The following THUMPD3 variants were observed in gnomAD, a reference collection of about 807,000 sequenced individuals.
The protein encoded by THUMPD3 is tRNA (guanine(6)-N(2))-methyltransferase THUMP3.
A neutral mutation model predicts 54.5 loss-of-function variants in THUMPD3; 44 were observed. The ratio of observed to expected loss-of-function variants is 0.81; its 90% CI spans 0.63 to 1.04. The LOEUF (loss-of-function observed/expected upper bound fraction) is 1.04, where lower values mean the gene tolerates loss of function less well. THUMPD3 is among the 50% of genes least tolerant of loss of function. The pLI is 0.00. For missense variants in THUMPD3, 604 were observed against 601.3 expected (o/e 1.00, Z -0.05); for synonymous variants, 196 against 201.4 (o/e 0.97, Z 0.23).
intron 3 of THUMPD3, 27 bp from the exon 4 acceptor site, chr3:9,371,033 A>G: frequency 1.3e-6 from 2 of 1,494,760 alleles, no homozygotes; most frequent in East Asian, 2.3e-5. Flanking sequence ...TGAGAAATGA[A>G]TGAATTTCTT....
chr3:9,365,817 C>T (rs2031515486), intron 2 of THUMPD3, among the ~76,000 whole-genome samples: 1 of 152,060 alleles, frequency 6.6e-6, no homozygotes, highest in African/African-American at 2.4e-5. Context: ...GTCTCGAACT[C>T]CTAACCCCGT....
In THUMPD3 at chr3:9,372,580, C is replaced by CA. The variant is rs35718688; in HGVS notation, c.807+1057dup. On this transcript the variant is annotated intron_variant, in intron 4 of 9. Transcript: ENST00000452837. ...GGGTGACAGAGCAAGACTCCATCTC[C>CA]AAAAAAAAAAAAAGTGCATTTTTTA... Among the ~76,000 whole-genome samples, 983 of 136,904 alleles carry CA rather than the reference C, an allele frequency of 7.2e-3. 12 individuals are homozygous for CA. The highest frequency in any genetic ancestry group is 0.019 in the African/African-American group (719 of 37,386). 89.8% of individuals were successfully genotyped at this position (136,904 alleles called of 152,430 possible). A position where few individuals can be genotyped will look rare whatever the true frequency, so the allele number is the denominator to read the frequency against.
intron 1 of THUMPD3, chr3:9,363,446 C>T (rs1370910670): frequency 1.3e-5 from 2 of 152,266 alleles, no homozygotes; most frequent in Non-Finnish European, 2.9e-5. Context: ...TTCACAGTGA[C>T]TGTCAGCTTT....
At chr3:9,368,752 A>G (rs2031777002) in intron 3 of THUMPD3, among the ~76,000 whole-genome samples, 2 of 152,222 alleles carry the variant, frequency 1.3e-5, no homozygotes, top group Admixed American at 6.5e-5. Flanking sequence ...AAACTTGTAA[A>G]GACTGAATGG....
At position 9,365,026 on chromosome 3, in the gene THUMPD3, C is replaced by A. The variant is rs2031408149; in HGVS notation, c.-43C>A. On this transcript the variant is annotated 5_prime_UTR_variant, in exon 2 of 10. Transcript: ENST00000452837. Reference sequence around the variant, plus strand: ...CTTTTTCTTTTAAAGGACAGTACTGCTTTTAAAGAGACAGTGTTAGGGATC... The same window carrying A: ...CTTTTTCTTTTAAAGGACAGTACTGATTTTAAAGAGACAGTGTTAGGGATC... The A allele has an allele frequency of 6.3e-7, 1 of 1,594,958 alleles. No homozygotes were observed. The highest frequency in any genetic ancestry group is 8.5e-7 in the Non-Finnish European group (1 of 1,170,210).
intron 5 of THUMPD3, among the ~76,000 whole-genome samples, chr3:9,375,264 C>T (rs1431074830): frequency 6.6e-6 from 1 of 152,136 alleles, no homozygotes; most frequent in East Asian, 1.9e-4. Flanking sequence ...GTAAATTTTG[C>T]TGTTTCATTT....
chr3:9,379,814 T>A (rs2032739782), intron 6 of THUMPD3, among the ~76,000 whole-genome samples: 1 of 152,058 alleles, frequency 6.6e-6, no homozygotes, highest in Non-Finnish European at 1.5e-5. Context: ...CACCTCAGCC[T>A]CTCGAGTAGC....
chr3:9,370,583 T>C (rs944888468), intron 3 of THUMPD3, among the ~76,000 whole-genome samples: 1 of 152,244 alleles, frequency 6.6e-6, no homozygotes, highest in Non-Finnish European at 1.5e-5. Context: ...TAGCTGGGAC[T>C]ACAGGCACGT....
Position 9,371,475 on chromosome 3 carries a change from T to C in THUMPD3, c.746T>C (p.Phe249Ser). The C allele has an allele frequency of 1.2e-6, 2 of 1,614,094 alleles. No homozygotes were observed. Among genetic ancestry groups the C allele is most frequent in the Non-Finnish European group, 1.7e-6 (2 of 1,180,024 alleles). ...CFTSNEAARD[F>S]GGAVQDYFKW... ...ACCTCAAATGAGGCTGCAAGAGATT[T>C]TGGGGGTGCTGTTCAAGATTATTTT... is the stretch of plus-strand genomic sequence containing the variant. The change falls in exon 4 of 10, where the codon TTT becomes TCT. Residue 249 changes from phenylalanine (F) to serine (S), a missense_variant. Physicochemically the swap from Phe to Ser is radical, Grantham distance 155. Transcript: ENST00000452837.
In THUMPD3 at chr3:9,384,798, TA is replaced by T; in HGVS notation, c.*112del. The T allele has an allele frequency of 7.9e-7, 1 of 1,267,150 alleles. No individual in the cohort carries two copies. Among genetic ancestry groups the T allele is most frequent in the Non-Finnish European group, 1.1e-6 (1 of 911,572 alleles). 78.5% of individuals were successfully genotyped at this position (1,267,150 alleles called of 1,614,324 possible). A position where few individuals can be genotyped will look rare whatever the true frequency, so the allele number is the denominator to read the frequency against. ...GCAGTCTGCACTCTTTAAACCTGTT[TA>T]AGGCTCTTCATCCTGGTTAGCAAAA... On this transcript the variant is annotated 3_prime_UTR_variant, in exon 10 of 10. Transcript: ENST00000452837.
At chr3:9,374,388 C>T in intron 4 of THUMPD3, 128 bp from the exon 5 acceptor site, 1 of 1,109,858 alleles carries the variant, frequency 9.0e-7, no homozygotes. Context: ...AATATGGTGA[C>T]CTCCCAGGAG....
intron 7 of THUMPD3, among the ~76,000 whole-genome samples, chr3:9,382,449 C>T (rs1018687590): frequency 6.6e-6 from 1 of 152,034 alleles, no homozygotes; most frequent in African/African-American, 2.4e-5. Context: ...TATAGCATGG[C>T]ACATATTTTC....
At chr3:9,367,580 C>T (rs938790670) in intron 3 of THUMPD3, among the ~76,000 whole-genome samples, 13 of 152,144 alleles carry the variant, frequency 8.5e-5, no homozygotes, top group South Asian at 4.1e-4. Flanking sequence ...TAGAGTTAAC[C>T]GCTTAAAAAC....
chr3:9,368,200 C>G (rs141788568), intron 3 of THUMPD3, among the ~76,000 whole-genome samples: 4 of 151,736 alleles, frequency 2.6e-5, no homozygotes, highest in African/African-American at 7.3e-5. Flanking sequence ...TCCCCACCCC[C>G]CTCTTTTAAA....
chr3:9,380,570 C>T lies in THUMPD3; in HGVS notation c.1076C>T (p.Ala359Val). Reference protein sequence around the residue: ...GDNNPLAVNRAANNIASLLTK... With the variant: ...GDNNPLAVNRVANNIASLLTK... The stretch of plus-strand genomic sequence containing the variant: ...AATAATCCACTGGCTGTGAATAGAG[C>T]AGCAAATAACATTGCATCTTTATTG... Residue 359 changes from alanine to valine, a missense_variant, in exon 7 of 10, where the codon GCA becomes GTA. Coordinates refer to ENST00000452837, the MANE Select transcript of THUMPD3 (RefSeq NM_001114092.2). 6.2e-7 allele frequency: 1 copy of T among 1,613,620 alleles called. No homozygotes were observed. Among genetic ancestry groups the T allele is most frequent in the Non-Finnish European group, 8.5e-7 (1 of 1,179,764 alleles).
chr3:9,366,477 C>G lies in THUMPD3; in HGVS notation c.253-431C>G, dbSNP rs1338746411. Among the ~76,000 whole-genome samples the G allele has an allele frequency of 2.0e-5, 3 of 152,180 alleles. No individual in the cohort carries two copies. In the East Asian group the frequency reaches 5.8e-4, roughly 29 times the overall value. On this transcript the variant is annotated intron_variant, in intron 2 of 9. Transcript: ENST00000452837. Reference sequence around the variant, plus strand: ...TGTGAAGATAGGCACTATTATTATCCTCATTAATCATTAGGCTTAGGACAC... The same window carrying G: ...TGTGAAGATAGGCACTATTATTATCGTCATTAATCATTAGGCTTAGGACAC...
At chr3:9,378,105 T>C (rs571833091) in intron 6 of THUMPD3, among the ~76,000 whole-genome samples, 1 of 152,344 alleles carries the variant, frequency 6.6e-6, no homozygotes, top group East Asian at 1.9e-4. Context: ...GTTAGTGACA[T>C]CTATTCACTA....
At position 9,377,885 on chromosome 3, in the gene THUMPD3, A is replaced by G. The variant is rs1425782067; in HGVS notation, c.1005A>G (p.Ile335Met). The G allele has an allele frequency of 2.5e-6, 4 of 1,609,454 alleles. No homozygotes were observed. The highest frequency in any genetic ancestry group is 3.4e-6 in the Non-Finnish European group (4 of 1,175,864). The change falls in exon 6 of 10, where the codon ATA (isoleucine) becomes ATG (methionine). Residue 335 changes from isoleucine to methionine, a missense_variant. By Grantham distance (10) the Ile-to-Met change is conservative. Transcript: ENST00000452837. ...TGTGTGGAACTGGGGCAATACCAATAGAGGTAATCATATTTCTTTAGCTTT... is the reference window on the plus strand; with the variant it reads ...TGTGTGGAACTGGGGCAATACCAATGGAGGTAATCATATTTCTTTAGCTTT... Reference protein sequence around the residue: ...DPMCGTGAIPIEGATEWSDCF... With the variant: ...DPMCGTGAIPMEGATEWSDCF...
intron 8 of THUMPD3, among the ~76,000 whole-genome samples, chr3:9,383,959 G>C (rs570252786): frequency 2.6e-5 from 4 of 152,252 alleles, no homozygotes; most frequent in African/African-American, 9.6e-5. Context: ...GGTTTATACA[G>C]TTTGACTGCT....
Sources: gnomAD v4.1 joint callset for allele counts (sites outside exome capture counted in the v4.1 genomes callset) on GRCh38, gnomAD v4.1.1 for gene constraint, MANE v1.5 for transcripts, NCBI Gene and HGNC (gene_info 2026-07-23, HGNC 2026-07-21) for gene names.